GPC5: variants seen among roughly 807,000 people sequenced by gnomAD.
GPC5 encodes the protein glypican 5, also known as glypican-5.
In GPC5, 47 loss-of-function variants were observed where a neutral mutation model predicts 53.9. The observed-to-expected ratio is 0.87, with a 90% CI of 0.69 to 1.11. The LOEUF is 1.11. Ranked by LOEUF, GPC5 falls within the 50% of genes most tolerant of loss-of-function variation. The pLI is 0.00. For missense variants in GPC5, 748 were observed against 713.1 expected (o/e 1.05, Z -0.56); for synonymous variants, 286 against 263.3 (o/e 1.09, Z -0.84).
At chr13:91,849,951 C>T (rs6492561) in intron 5 of GPC5, among the ~76,000 whole-genome samples, 20,324 of 152,082 alleles carry the variant, frequency 0.13, 1,495 homozygotes, top group African/African-American at 0.19. Context: ...AAGGTTATTG[C>T]TCACTGTCTC....
At chr13:92,165,809 T>C (rs2042023242) in intron 7 of GPC5, among the ~76,000 whole-genome samples, 1 of 152,236 alleles carries the variant, frequency 6.6e-6, no homozygotes, top group Non-Finnish European at 1.5e-5. Flanking sequence ...GTTCTGGATA[T>C]ATCCATGTAT....
intron 7 of GPC5, among the ~76,000 whole-genome samples, chr13:92,783,705 G>T (rs968305406): frequency 2.0e-5 from 3 of 152,050 alleles, no homozygotes; most frequent in Non-Finnish European, 2.9e-5. Flanking sequence ...CAAATTTTGG[G>T]CTTCTTTATC....
rs112134763 is a variant in GPC5 at position 92,481,994 on chromosome 13, C to T, written c.1561+337005C>T. On this transcript the variant is annotated intron_variant, in intron 7 of 7. Coordinates refer to ENST00000377067, the MANE Select transcript of GPC5 (RefSeq NM_004466.6). ...AAATACAAAAAAATTAGCCGGGTGT[C>T]GGGGTGGGCACCTGTAATCCCAGGT... Among the ~76,000 whole-genome samples, 344 of 151,822 alleles carry T rather than the reference C, an allele frequency of 2.3e-3. 2 individuals carry two copies. The highest frequency in any genetic ancestry group is 7.5e-3 in the African/African-American group (310 of 41,402).
chr13:91,628,579 A>G (rs890781099), intron 2 of GPC5, among the ~76,000 whole-genome samples: 15 of 152,184 alleles, frequency 9.9e-5, no homozygotes, highest in Non-Finnish European at 2.2e-4. Context: ...ATTGGAAAAT[A>G]GCATGGTATG....
chr13:92,848,048 T>G (rs911917917), intron 7 of GPC5, among the ~76,000 whole-genome samples: 4 of 152,218 alleles, frequency 2.6e-5, no homozygotes, highest in Non-Finnish European at 4.4e-5. Flanking sequence ...GCCGTAGAAC[T>G]GAGAGTCAGG....
At chr13:91,708,331 T>C (rs756072561) in intron 3 of GPC5, among the ~76,000 whole-genome samples, 6 of 152,152 alleles carry the variant, frequency 3.9e-5, no homozygotes, top group Non-Finnish European at 8.8e-5. Context: ...GGTTTCCGTA[T>C]GTATATGTCG....
intron 6 of GPC5, among the ~76,000 whole-genome samples, chr13:92,123,274 C>G (rs568433285): frequency 3.8e-4 from 58 of 151,852 alleles, no homozygotes; most frequent in African/African-American, 1.2e-3. Context: ...GTTTTGGTGG[C>G]GGGCACGTGT....
intron 7 of GPC5, among the ~76,000 whole-genome samples, chr13:92,691,520 C>A (rs893524600): frequency 6.6e-6 from 1 of 151,342 alleles, no homozygotes; most frequent in Non-Finnish European, 1.5e-5. Context: ...AGAAATCACC[C>A]GTCTTCTGCG....
At chr13:92,576,657 A>G (rs887799003) in intron 7 of GPC5, among the ~76,000 whole-genome samples, 1 of 152,200 alleles carries the variant, frequency 6.6e-6, no homozygotes, top group Admixed American at 6.5e-5. Flanking sequence ...GTGATAGGAA[A>G]CCATAGTTCA....
chr13:92,389,340 G>A (rs901876246), intron 7 of GPC5, among the ~76,000 whole-genome samples: 1 of 152,070 alleles, frequency 6.6e-6, no homozygotes. Flanking sequence ...CCTCCAAGAT[G>A]TGTCCTGTTT....
intron 7 of GPC5, among the ~76,000 whole-genome samples, chr13:92,388,714 G>T (rs1395728760): frequency 6.6e-6 from 1 of 152,050 alleles, no homozygotes; most frequent in African/African-American, 2.4e-5. Context: ...GCTGTGGATT[G>T]GTTATTATCA....
chr13:92,699,108 T>G (rs958436271), intron 7 of GPC5, among the ~76,000 whole-genome samples: 8 of 152,122 alleles, frequency 5.3e-5, no homozygotes, highest in Non-Finnish European at 7.4e-5. Context: ...TTTCAGAACT[T>G]GTTACTGGTC....
At chr13:92,272,976 C>A (rs2042850907) in intron 7 of GPC5, among the ~76,000 whole-genome samples, 1 of 152,042 alleles carries the variant, frequency 6.6e-6, no homozygotes, top group Non-Finnish European at 1.5e-5. Context: ...TAAAGCAAGT[C>A]AACTTGTGAA....
intron 4 of GPC5, among the ~76,000 whole-genome samples, chr13:91,753,358 C>T (rs2037220340): frequency 6.6e-6 from 1 of 152,184 alleles, no homozygotes; most frequent in African/African-American, 2.4e-5. Context: ...ACATGACCAT[C>T]CCCTCACATG....
At chr13:92,010,377 A>G (rs1299293506) in intron 6 of GPC5, among the ~76,000 whole-genome samples, 1 of 152,216 alleles carries the variant, frequency 6.6e-6, no homozygotes, top group African/African-American at 2.4e-5. Flanking sequence ...TAGAGGTTGA[A>G]TAAATATTAG....
chr13:91,626,419 T>A (rs973178068), intron 2 of GPC5, among the ~76,000 whole-genome samples: 3 of 152,096 alleles, frequency 2.0e-5, no homozygotes, highest in African/African-American at 7.2e-5. Context: ...AACAGTATTA[T>A]CCAGGCCTAC....
At chr13:92,262,062 A>G (rs1005077341) in intron 7 of GPC5, among the ~76,000 whole-genome samples, 2 of 152,164 alleles carry the variant, frequency 1.3e-5, no homozygotes, top group African/African-American at 2.4e-5. Flanking sequence ...TAATAAATGT[A>G]AAAGAAGAAG....
intron 5 of GPC5, among the ~76,000 whole-genome samples, chr13:91,828,002 A>G (rs2038600221): frequency 6.6e-6 from 1 of 152,086 alleles, no homozygotes; most frequent in Non-Finnish European, 1.5e-5. Context: ...TGAATATAAT[A>G]AAAAGGAACA....
chr13:92,390,460 A>T (rs1354705191), intron 7 of GPC5, among the ~76,000 whole-genome samples: 3 of 152,110 alleles, frequency 2.0e-5, no homozygotes, highest in Non-Finnish European at 4.4e-5. Flanking sequence ...GGTGATGGAG[A>T]CATTTGTGTG....
Sources: gnomAD v4.1 joint callset for allele counts (sites outside exome capture counted in the v4.1 genomes callset) on GRCh38, gnomAD v4.1.1 for gene constraint, MANE v1.5 for transcripts, NCBI Gene and HGNC (gene_info 2026-07-23, HGNC 2026-07-21) for gene names.